IARS1: variants seen among roughly 807,000 people sequenced by gnomAD.
The protein encoded by IARS1 is isoleucine--tRNA ligase, cytoplasmic.
IARS1 carries 124 observed loss-of-function variants against 168.2 expected under a neutral mutation model. The ratio of observed to expected loss-of-function variants is 0.74; its 90% CI spans 0.64 to 0.86. The LOEUF (loss-of-function observed/expected upper bound fraction) is 0.86. Ranked by LOEUF, IARS1 falls within the 40% of genes least tolerant of loss-of-function variation. IARS1 has a pLI of 0.00. For missense variants in IARS1, 1,452 were observed against 1,515.8 expected, an observed-to-expected ratio of 0.96 and a Z score of 0.70; for synonymous variants, 532 against 529.4, an observed-to-expected ratio of 1.00 and a Z score of -0.07.
chr9:92,222,542 A>C lies in IARS1; in HGVS notation c.3684T>G (p.Phe1228Leu). 6.2e-7 allele frequency: 1 copy of C among 1,614,030 alleles called. No homozygotes were observed. Among genetic ancestry groups the C allele is most frequent in the African/African-American group, 1.3e-5 (1 of 75,018 alleles). The change falls in exon 33 of 34, where the codon TTT (phenylalanine) becomes TTG (leucine). Residue 1228 changes from phenylalanine (F) to leucine (L), a missense_variant. Coordinates refer to ENST00000443024, the MANE Select transcript of IARS1 (RefSeq NM_002161.6). ...TACCCTGCGTTTGGGTCTCATTCAG[A>C]AACAGCTTTAGCTTCCTGCTCCGAA... ...FGLRSRKLKL[F>L]LNETQTQEIT...
rs572766232 is a variant in IARS1, at chr9:92,247,962, C to T, written c.2617-411G>A. On this transcript the variant is annotated intron_variant, in intron 25 of 33. Coordinates refer to ENST00000443024, the MANE Select transcript of IARS1 (RefSeq NM_002161.6). The stretch of plus-strand genomic sequence containing the variant: ...ATGAATACTGGCTTTCTTTCTGGGA[C>T]GAGGAAAATGTTCTAAAACTATGGT... Among the ~76,000 whole-genome samples, 13 of 152,178 alleles carry T rather than the reference C, an allele frequency of 8.5e-5. 1 individual carries two copies. In the Middle Eastern group the frequency reaches 0.01, roughly 119 times the overall value.
intron 30 of IARS1, among the ~76,000 whole-genome samples, chr9:92,234,039 G>A: frequency 6.6e-6 from 1 of 152,200 alleles, no homozygotes; most frequent in East Asian, 1.9e-4. Flanking sequence ...GGGAATACAT[G>A]CGTGAACCAC....
intron 30 of IARS1, 78 bp from the exon 31 acceptor site, chr9:92,229,204 T>C (rs1022761196): frequency 1.4e-6 from 2 of 1,475,464 alleles, no homozygotes; most frequent in Non-Finnish European, 1.9e-6. Context: ...GGAAAAGGGA[T>C]ACAAAGGGGT....
chr9:92,277,675 A>T (rs60997905), intron 9 of IARS1, among the ~76,000 whole-genome samples, 188 bp downstream of exon 9: 473 of 47,098 alleles, frequency 0.01, 1 homozygote, highest in African/African-American at 0.081. Context: ...CCCTGTTTTT[A>T]AAAAAAAAAA....
Position 92,285,766 on chromosome 9 carries a change from A to C in IARS1, c.553T>G (p.Cys185Gly). ...GVKVMPFSTA[C>G]NTPLSNFESH... is the part of the protein sequence containing the mutation. ...TCGAAGTTGGAAAGTGGAGTGTTAC[A>C]TGCCGTAGAGAAGGGCATGACTTTC... Residue 185 changes from cysteine (C) to glycine (G), a missense_variant, in exon 6 of 34, where the codon TGT (cysteine) becomes GGT (glycine). By Grantham distance (159) the Cys-to-Gly change is radical. Coordinates refer to ENST00000443024, the MANE Select transcript of IARS1 (RefSeq NM_002161.6). The C allele has an allele frequency of 6.2e-7, 1 of 1,613,612 alleles. No individual in the cohort carries two copies. Among genetic ancestry groups the C allele is most frequent in the Non-Finnish European group, 8.5e-7 (1 of 1,179,544 alleles).
intron 30 of IARS1, among the ~76,000 whole-genome samples, chr9:92,233,027 G>A (rs1488129317): frequency 6.6e-6 from 1 of 152,168 alleles, no homozygotes; most frequent in East Asian, 1.9e-4. Context: ...AACTTTGGGA[G>A]CTTTCAGAGG....
chr9:92,268,428 C>T (rs1267841660), intron 13 of IARS1, 128 bp from the exon 14 acceptor site: 1 of 863,144 alleles, frequency 1.2e-6, no homozygotes, highest in East Asian at 2.6e-5. Flanking sequence ...GCGCTCACTG[C>T]AAAGAGAATG....
rs1340256346 is a variant in IARS1 at position 92,216,135 on chromosome 9, A to T, written c.3707-5246T>A. Reference sequence around the variant, plus strand: ...CCAATATTCAACATTCTTAAAGAAAAGAATTTTCAACCCAGAATTTCATAT... The same window carrying T: ...CCAATATTCAACATTCTTAAAGAAATGAATTTTCAACCCAGAATTTCATAT... On this transcript the variant is annotated intron_variant, in intron 33 of 33. Coordinates refer to ENST00000443024, the MANE Select transcript of IARS1 (RefSeq NM_002161.6). 1.3e-5 allele frequency among the ~76,000 whole-genome samples: 2 copies of T among 151,506 alleles called. 1 individual carries two copies. The highest frequency in any genetic ancestry group is 2.9e-5 in the Non-Finnish European group (2 of 67,826).
At position 92,244,944 on chromosome 9, in the gene IARS1, GA is replaced by G; in HGVS notation, c.2904+14del. ...ATCTCTTGGTAAAGAAATGTTCTAGGAAACAGAAAAATACCTGAGCATCTGA... is the reference window on the plus strand; with the variant it reads ...ATCTCTTGGTAAAGAAATGTTCTAGGAACAGAAAAATACCTGAGCATCTGA... On this transcript the variant is annotated intron_variant, in intron 27 of 33. Transcript: ENST00000443024. The G allele has an allele frequency of 6.2e-7, 1 of 1,603,346 alleles. No individual in the cohort carries two copies. The highest frequency in any genetic ancestry group is 8.5e-7 in the Non-Finnish European group (1 of 1,170,302).
chr9:92,269,026 C>T (rs1051007950), intron 13 of IARS1, among the ~76,000 whole-genome samples: 2 of 152,098 alleles, frequency 1.3e-5, no homozygotes, highest in African/African-American at 4.8e-5. Context: ...CTTCAAAGAT[C>T]AGTTTATATG....
rs904012202 is a variant in IARS1, at chr9:92,247,409, C to G, written c.2759G>C (p.Ser920Thr). 5 of 1,614,158 alleles carry G rather than the reference C, an allele frequency of 3.1e-6. No individual in the cohort carries two copies. Among genetic ancestry groups the G allele is most frequent in the Non-Finnish European group, 4.2e-6 (5 of 1,180,010 alleles). The change falls in exon 26 of 34, where the codon AGC becomes ACC. Residue 920 changes from serine (S) to threonine (T), a missense_variant. By Grantham distance (58) the Ser-to-Thr change is moderately conservative. Transcript: ENST00000443024. ...KAVMTSIKQLSSEELEQFQKT... is the reference protein window; with the variant it reads ...KAVMTSIKQLTSEELEQFQKT... The stretch of plus-strand genomic sequence containing the variant: ...CTGGAACTGCTCCAGCTCCTCACTG[C>G]TCAACTGCTTGATGGACGTCATCAC...
chr9:92,273,313 G>A (rs73653051), intron 10 of IARS1, among the ~76,000 whole-genome samples: 2 of 152,022 alleles, frequency 1.3e-5, no homozygotes, highest in African/African-American at 4.8e-5. Context: ...CATCAAAATG[G>A]ACCAGGTATT....
At chr9:92,247,052 G>T (rs868340583) in intron 26 of IARS1, among the ~76,000 whole-genome samples, 1 of 152,014 alleles carries the variant, frequency 6.6e-6, no homozygotes, top group African/African-American at 2.4e-5. Context: ...AAATTAGCCA[G>T]GCATGGTACT....
At chr9:92,237,701 T>C (rs1564164507) in intron 30 of IARS1, among the ~76,000 whole-genome samples, 1 of 152,248 alleles carries the variant, frequency 6.6e-6, no homozygotes. Flanking sequence ...TATCATTATT[T>C]AATGCCCCTG....
At chr9:92,222,946 G>A (rs1256380171) in intron 32 of IARS1, among the ~76,000 whole-genome samples, 6 of 151,944 alleles carry the variant, frequency 3.9e-5, no homozygotes, top group African/African-American at 9.6e-5. Context: ...TGAGGAGCCC[G>A]AAGACTTCAG....
chr9:92,293,270 A>T (rs556650456), intron 1 of IARS1, among the ~76,000 whole-genome samples: 1 of 152,320 alleles, frequency 6.6e-6, no homozygotes, highest in East Asian at 1.9e-4. Flanking sequence ...CTAAATATTC[A>T]TGGTGACTGA....
chr9:92,236,445 A>G (rs1045127437), intron 30 of IARS1, among the ~76,000 whole-genome samples: 2 of 152,258 alleles, frequency 1.3e-5, no homozygotes, highest in African/African-American at 2.4e-5. Flanking sequence ...CCTGGAGATT[A>G]GTTCAGAGAT....
At chr9:92,241,500 C>T (rs994993514) in intron 29 of IARS1, among the ~76,000 whole-genome samples, 3 of 152,158 alleles carry the variant, frequency 2.0e-5, no homozygotes, top group African/African-American at 7.2e-5. Flanking sequence ...CGTGTACCAC[C>T]ATGCCCAGCT....
At chr9:92,225,591 A>G (rs1455967340) in intron 31 of IARS1, among the ~76,000 whole-genome samples, 5 of 93,888 alleles carry the variant, frequency 5.3e-5, no homozygotes, top group Admixed American at 4.5e-4. Flanking sequence ...TTTTTTTTTT[A>G]ATCTACTAGG....
Sources: allele counts gnomAD v4.1 joint callset (sites outside exome capture counted in the v4.1 genomes callset), GRCh38; gene constraint gnomAD v4.1.1; transcripts MANE v1.5; gene names NCBI Gene and HGNC (gene_info 2026-07-23, HGNC 2026-07-21).